The following LRP1B variants were observed in gnomAD, a reference collection of about 807,000 sequenced individuals.
The protein encoded by LRP1B is LDL receptor related protein 1B, also known as low-density lipoprotein receptor-related protein 1B.
A neutral mutation model predicts 556.6 loss-of-function variants in LRP1B; 217 were observed. The observed-to-expected ratio is 0.39, with a 90% CI of 0.35 to 0.44. The LOEUF (loss-of-function observed/expected upper bound fraction) is 0.44. Ranked by LOEUF, LRP1B falls within the 20% of genes least tolerant of loss-of-function variation. LRP1B has a pLI of 1.00. For missense variants in LRP1B, 5,053 were observed against 5,620.8 expected (o/e 0.90, Z 3.23); for synonymous variants, 2,047 against 1,865.8 (o/e 1.10, Z -2.50).
At chr2:141,807,105 T>TC (rs1318155341) in intron 2 of LRP1B, among the ~76,000 whole-genome samples, 4 of 152,084 alleles carry the variant, frequency 2.6e-5, no homozygotes, top group African/African-American at 9.7e-5. Context: ...ATCGAATGTA[T>TC]ACATTCATAT....
At chr2:140,635,567 C>T (rs1684043087) in intron 41 of LRP1B, among the ~76,000 whole-genome samples, 1 of 151,938 alleles carries the variant, frequency 6.6e-6, no homozygotes, top group Non-Finnish European at 1.5e-5. Context: ...GGTACTTGAA[C>T]TTCATTGTAA....
chr2:140,475,466 G>A, intron 59 of LRP1B, 129 bp from the exon 60 acceptor site: 2 of 583,906 alleles, frequency 3.4e-6, no homozygotes, highest in Non-Finnish European at 5.7e-6. Flanking sequence ...CAGCTTTTAA[G>A]AAACATCCTT....
intron 2 of LRP1B, among the ~76,000 whole-genome samples, chr2:141,492,668 A>C (rs1205024927): frequency 2.0e-5 from 3 of 152,180 alleles, no homozygotes; most frequent in African/African-American, 7.2e-5. Flanking sequence ...ACGTATAGTT[A>C]ATCGTCTTTC....
At chr2:140,629,201 G>A (rs999926307) in intron 41 of LRP1B, among the ~76,000 whole-genome samples, 1 of 151,032 alleles carries the variant, frequency 6.6e-6, no homozygotes, top group Non-Finnish European at 1.5e-5. Flanking sequence ...CAACAGTTGT[G>A]CACCACCATA....
intron 7 of LRP1B, among the ~76,000 whole-genome samples, chr2:141,099,905 T>C (rs1700416337): frequency 6.6e-6 from 1 of 152,208 alleles, no homozygotes; most frequent in African/African-American, 2.4e-5. Context: ...GAATATTACA[T>C]TGATTATCTA....
At chr2:141,777,816 G>A (rs929378949) in intron 2 of LRP1B, among the ~76,000 whole-genome samples, 1 of 151,910 alleles carries the variant, frequency 6.6e-6, no homozygotes, top group Non-Finnish European at 1.5e-5. Context: ...TGACTATTGA[G>A]GCTAAAGACT....
intron 67 of LRP1B, among the ~76,000 whole-genome samples, chr2:140,379,341 A>G (rs1432707182): frequency 3.9e-5 from 6 of 152,196 alleles, no homozygotes. Context: ...CTTGGTTTCT[A>G]CATATAGAGT....
chr2:141,660,930 G>A (rs1295281049), intron 2 of LRP1B, among the ~76,000 whole-genome samples: 1 of 152,056 alleles, frequency 6.6e-6, no homozygotes, highest in African/African-American at 2.4e-5. Context: ...GCATCAGGTC[G>A]GTACCTCTCT....
chr2:140,375,716 C>T (rs1683197565), intron 68 of LRP1B, among the ~76,000 whole-genome samples: 1 of 151,964 alleles, frequency 6.6e-6, no homozygotes, highest in African/African-American at 2.4e-5. Context: ...TCTATGGATG[C>T]AGTTTAAGAT....
At chr2:140,270,608 G>A (rs1240800470) in intron 85 of LRP1B, among the ~76,000 whole-genome samples, 2 of 151,860 alleles carry the variant, frequency 1.3e-5, no homozygotes, top group African/African-American at 2.4e-5. Context: ...CTAGATATAT[G>A]TGTGAAAAAA....
At chr2:140,404,730 T>TA (rs770333189) in intron 66 of LRP1B, among the ~76,000 whole-genome samples, 1 of 151,780 alleles carries the variant, frequency 6.6e-6, no homozygotes, top group Admixed American at 6.6e-5. Context: ...AGATAAGGGG[T>TA]AAAAAACAAT....
At chr2:140,357,239 G>A (rs1051278367) in intron 74 of LRP1B, among the ~76,000 whole-genome samples, 1 of 151,362 alleles carries the variant, frequency 6.6e-6, no homozygotes, top group Non-Finnish European at 1.5e-5. Context: ...AATTATTATC[G>A]TTGTAACCCC....
chr2:140,924,954 A>G (rs1168505835), intron 20 of LRP1B, among the ~76,000 whole-genome samples: 1 of 152,146 alleles, frequency 6.6e-6, no homozygotes, highest in African/African-American at 2.4e-5. Flanking sequence ...ATTCAAACAA[A>G]TGTATTTAGA....
intron 2 of LRP1B, among the ~76,000 whole-genome samples, chr2:141,530,645 T>C (rs1684841526): frequency 6.6e-6 from 1 of 151,680 alleles, no homozygotes; most frequent in Admixed American, 6.6e-5. Flanking sequence ...AAGAATAACA[T>C]AGAGATTAAG....
chr2:141,510,844 A>G (rs1029377770), intron 2 of LRP1B, among the ~76,000 whole-genome samples: 3 of 149,808 alleles, frequency 2.0e-5, no homozygotes, highest in Non-Finnish European at 3.0e-5. Context: ...CTATTATCCC[A>G]TCTTTCCCCT....
chr2:141,949,962 A>C (rs895136499), intron 1 of LRP1B, among the ~76,000 whole-genome samples: 5 of 152,142 alleles, frequency 3.3e-5, no homozygotes, highest in Non-Finnish European at 7.4e-5. Flanking sequence ...AATTCAGCAA[A>C]TTCAAGGTTG....
chr2:140,682,364 C>A (rs906915022), intron 41 of LRP1B, among the ~76,000 whole-genome samples: 3 of 152,158 alleles, frequency 2.0e-5, no homozygotes, highest in Non-Finnish European at 1.5e-5. Flanking sequence ...AGAATCTCAA[C>A]TTTCAGAGAG....
At chr2:142,109,398 T>A (rs1305503668) in intron 1 of LRP1B, among the ~76,000 whole-genome samples, 1 of 152,200 alleles carries the variant, frequency 6.6e-6, no homozygotes, top group Non-Finnish European at 1.5e-5. Context: ...GTGGTTATGA[T>A]GTTAACTCAC....
chr2:142,124,800 T>C lies in LRP1B; in HGVS notation c.82+5848A>G, dbSNP rs537201373. ...TATGATTTGCTCTGCAAACTAGAAA[T>C]ATGTTGCATAATTCTTTCAGGGAAA... On this transcript the variant is annotated intron_variant, in intron 1 of 90. Coordinates refer to ENST00000389484, the MANE Select transcript of LRP1B (RefSeq NM_018557.3). Among the ~76,000 whole-genome samples the C allele has an allele frequency of 8.6e-5, 13 of 151,942 alleles. No homozygotes were observed. The South Asian group carries it at 2.7e-3, about 31-fold the overall frequency.
Sources: gnomAD v4.1 joint callset for allele counts (sites outside exome capture counted in the v4.1 genomes callset) on GRCh38, gnomAD v4.1.1 for gene constraint, MANE v1.5 for transcripts, NCBI Gene and HGNC (gene_info 2026-07-23, HGNC 2026-07-21) for gene names.